GK: variants seen among roughly 807,000 people sequenced by gnomAD.
GK encodes ATP:glycerol 3-phosphotransferase.
Under a neutral mutation model 56.4 loss-of-function variants are expected in GK, and 9 were observed. The observed-to-expected ratio is 0.16, with a 90% CI of 0.10 to 0.28. The LOEUF (loss-of-function observed/expected upper bound fraction) is 0.28. GK is among the 10% of genes least tolerant of loss of function. GK has a pLI of 1.00. For missense variants in GK, 161 were observed against 431.4 expected (o/e 0.37, Z 5.55); for synonymous variants, 104 against 144.1 (o/e 0.72, Z 1.99).
intron 1 of GK, among the ~76,000 whole-genome samples, chrX:30,664,645 C>T (rs1239448774): frequency 9.3e-6 from 1 of 107,311 alleles, no homozygotes; most frequent in Non-Finnish European, 1.9e-5. Flanking sequence ...ACAGAGAGTA[C>T]TCAGCTGGAT....
intron 9 of GK, among the ~76,000 whole-genome samples, chrX:30,698,685 G>A (rs1278290013): frequency 3.4e-5 from 3 of 87,223 alleles, no homozygotes; most frequent in South Asian, 7.0e-4. Context: ...GCCTGGGCGA[G>A]AGGGAGACTC....
intron 1 of GK, among the ~76,000 whole-genome samples, chrX:30,663,155 G>A (rs186336873): frequency 3.5e-4 from 39 of 110,602 alleles, no homozygotes; most frequent in African/African-American, 1.2e-3. Context: ...AGTGCCGGGC[G>A]TCAGCCACCG....
At chrX:30,665,933 G>A (rs955654957) in intron 2 of GK, among the ~76,000 whole-genome samples, 4 of 111,852 alleles carry the variant, frequency 3.6e-5, no homozygotes, top group African/African-American at 1.3e-4. Context: ...TATAATAAAG[G>A]TATCTTTTTA....
chrX:30,669,627 A>C (rs1933343074), intron 3 of GK, among the ~76,000 whole-genome samples: 1 of 111,773 alleles, frequency 8.9e-6, no homozygotes, highest in Non-Finnish European at 1.9e-5. Context: ...ATAGCCTAAA[A>C]TTTTCAAGTT....
At chrX:30,697,612 C>T (rs762587306) in intron 8 of GK, 120 bp from the exon 9 acceptor site, 3 of 568,763 alleles carry the variant, frequency 5.3e-6, no homozygotes, top group East Asian at 3.3e-5. Context: ...GAAAAAGAAA[C>T]GATGCTTGAG....
intron 1 of GK, among the ~76,000 whole-genome samples, chrX:30,653,983 A>G (rs1392740499): frequency 8.9e-6 from 1 of 112,682 alleles, no homozygotes; most frequent in East Asian, 2.8e-4. Flanking sequence ...TTCCCCAGGA[A>G]CATTTGGCCT....
intron 4 of GK, among the ~76,000 whole-genome samples, chrX:30,682,706 G>A (rs1359072302): frequency 8.9e-6 from 1 of 111,883 alleles, no homozygotes; most frequent in Admixed American, 9.5e-5. Flanking sequence ...CAGTCTGCAG[G>A]TTTTATACTT....
chrX:30,716,902 A>G (rs1265264028), intron 13 of GK, among the ~76,000 whole-genome samples: 2 of 112,028 alleles, frequency 1.8e-5, no homozygotes, highest in African/African-American at 6.5e-5. Flanking sequence ...TGTTCCTCAA[A>G]TACTTCCTGT....
rs1443631666 is a variant in GK at position 30,720,939 on chromosome X, C to G, written c.1445C>G (p.Pro482Arg). 3.3e-6 allele frequency: 4 copies of G among 1,208,989 alleles called. No homozygotes were observed. The highest frequency in any genetic ancestry group is 4.5e-6 in the Non-Finnish European group (4 of 894,231). ...AEGVGVWSLEPEDLSAVTMER... is the reference protein window; with the variant it reads ...AEGVGVWSLEREDLSAVTMER... Reference sequence around the variant, plus strand: ...GGAGTCGGCGTATGGAGTCTCGAACCCGAGGATTTGTCTGCCGTCACGATG... The same window carrying G: ...GGAGTCGGCGTATGGAGTCTCGAACGCGAGGATTTGTCTGCCGTCACGATG... Residue 482 changes from proline to arginine, a missense_variant, in exon 18 of 21, where the codon CCC (proline) becomes CGC (arginine). Physicochemically the swap from Pro to Arg is moderately radical, Grantham distance 103. Coordinates refer to ENST00000427190, the MANE Select transcript of GK (RefSeq NM_001205019.2).
At chrX:30,681,793 C>T (rs1048182591) in intron 4 of GK, among the ~76,000 whole-genome samples, 2 of 111,734 alleles carry the variant, frequency 1.8e-5, no homozygotes, top group African/African-American at 6.5e-5. Flanking sequence ...TGGAATGAAA[C>T]CTTTAAAGTA....
chrX:30,694,198 CTGTAAACA>C (rs1569159012), intron 5 of GK, among the ~76,000 whole-genome samples, 194 bp from the exon 6 acceptor site: 1 of 112,005 alleles, frequency 8.9e-6, no homozygotes, highest in Non-Finnish European at 1.9e-5. Flanking sequence ...GCCCTTTGAA[CTGTAAACA>C]TGTCACCCTA....
chrX:30,677,546 G>A (rs929008243), intron 4 of GK, 94 bp downstream of exon 4: 14 of 590,267 alleles, frequency 2.4e-5, no homozygotes, highest in East Asian at 6.6e-5. Context: ...GCATGCAGTC[G>A]CCAGGCATGG....
At chrX:30,655,900 T>C (rs1253906141) in intron 1 of GK, among the ~76,000 whole-genome samples, 4 of 112,333 alleles carry the variant, frequency 3.6e-5, no homozygotes, top group Non-Finnish European at 3.8e-5. Flanking sequence ...GGCTCCTGTT[T>C]ACTGGGTTCT....
At chrX:30,727,986 A>T (rs1409998323) in intron 20 of GK, among the ~76,000 whole-genome samples, 1 of 111,842 alleles carries the variant, frequency 8.9e-6, no homozygotes, top group African/African-American at 3.2e-5. Flanking sequence ...AGTTTCAGCC[A>T]GAGCATGTCC....
chrX:30,704,172 C>G (rs986376699), intron 11 of GK, among the ~76,000 whole-genome samples: 9 of 83,070 alleles, frequency 1.1e-4, no homozygotes, highest in Non-Finnish European at 4.3e-5. Flanking sequence ...TGCTCTGTCA[C>G]TTAGGCTGGA....
At chrX:30,727,639 A>G in intron 20 of GK, 87 bp downstream of exon 20, 2 of 600,938 alleles carry the variant, frequency 3.3e-6, no homozygotes, top group Non-Finnish European at 5.5e-6. Flanking sequence ...AGTGTTTTTC[A>G]TTCTTTCTGT....
At chrX:30,674,533 A>ATCCCCTC (rs1222633600) in intron 3 of GK, 13 of 227,320 alleles carry the variant, frequency 5.7e-5, no homozygotes, top group Non-Finnish European at 8.3e-5. Flanking sequence ...AGCCCCATCC[A>ATCCCCTC]TCCCCTCATT....
chrX:30,701,689 G>A (rs1935675379), intron 11 of GK, among the ~76,000 whole-genome samples: 1 of 112,396 alleles, frequency 8.9e-6, no homozygotes, highest in Admixed American at 9.4e-5. Flanking sequence ...CTGGCATTGT[G>A]CTTTCTCTCC....
At chrX:30,659,244 G>C (rs1213961104) in intron 1 of GK, among the ~76,000 whole-genome samples, 2 of 111,662 alleles carry the variant, frequency 1.8e-5, no homozygotes, top group African/African-American at 3.3e-5. Context: ...TGTTGGTCAG[G>C]CTGGTCTCAA....
Sources: gnomAD v4.1 joint callset for allele counts (sites outside exome capture counted in the v4.1 genomes callset) on GRCh38, gnomAD v4.1.1 for gene constraint, MANE v1.5 for transcripts, NCBI Gene and HGNC (gene_info 2026-07-23, HGNC 2026-07-21) for gene names.